CASK: variants seen among roughly 807,000 people sequenced by gnomAD.
CASK encodes peripheral plasma membrane protein CASK.
CASK carries 4 observed loss-of-function variants against 82.9 expected under a neutral mutation model. The observed-to-expected ratio is 0.05, with a 90% CI of 0.02 to 0.11. CASK has a LOEUF of 0.11. Among genes scored for constraint, CASK ranks in the 10% least tolerant of loss-of-function variants. CASK has a pLI of 1.00. For missense variants in CASK, 358 were observed against 720.9 expected, an observed-to-expected ratio of 0.50 and a Z score of 5.76; for synonymous variants, 259 against 253.5, an observed-to-expected ratio of 1.02 and a Z score of -0.20.
At chrX:41,544,859 C>G (rs1044637426) in intron 21 of CASK, among the ~76,000 whole-genome samples, 1 of 111,163 alleles carries the variant, frequency 9.0e-6, no homozygotes, top group African/African-American at 3.3e-5. Flanking sequence ...CAAGACTACA[C>G]CACTGCACTC....
At chrX:41,521,049 C>A (rs2064630654) in intron 26 of CASK, among the ~76,000 whole-genome samples, 1 of 112,402 alleles carries the variant, frequency 8.9e-6, no homozygotes, top group South Asian at 3.7e-4. Flanking sequence ...TTGCCCCCGT[C>A]CCCTTGGTCC....
In CASK at chrX:41,829,811, C is replaced by T. The variant is rs752825646; in HGVS notation, c.172+23304G>A. ...TTATCAAAGTGGTTAAACTAATTTGCATCCCTATTAGCAGTAAGAGTTCTG... is the reference window on the plus strand; with the variant it reads ...TTATCAAAGTGGTTAAACTAATTTGTATCCCTATTAGCAGTAAGAGTTCTG... On this transcript the variant is annotated intron_variant, in intron 2 of 26. Coordinates refer to ENST00000378163, the MANE Select transcript of CASK (RefSeq NM_001367721.1). 1.5e-4 allele frequency among the ~76,000 whole-genome samples: 12 copies of T among 78,931 alleles called. No homozygotes were observed. The South Asian group carries it at 3.1e-3, about 20-fold the overall frequency. 68.5% of individuals were successfully genotyped at this position (78,931 alleles called of 115,157 possible).
intron 2 of CASK, among the ~76,000 whole-genome samples, chrX:41,839,797 G>A (rs2070999123): frequency 8.9e-6 from 1 of 111,756 alleles, no homozygotes; most frequent in Admixed American, 9.5e-5. Flanking sequence ...TTATTCAAGT[G>A]GATGTCCAGT....
chrX:41,766,120 C>T (rs1392739208), intron 3 of CASK, among the ~76,000 whole-genome samples: 1 of 111,504 alleles, frequency 9.0e-6, no homozygotes, highest in Non-Finnish European at 1.9e-5. Flanking sequence ...AACAAACAAA[C>T]TTAAATCTAT....
intron 1 of CASK, among the ~76,000 whole-genome samples, chrX:41,883,341 T>C (rs1043763136): frequency 7.2e-5 from 8 of 111,277 alleles, no homozygotes; most frequent in African/African-American, 2.6e-4. Context: ...CAAACTGAGG[T>C]GATTATAAGC....
intron 15 of CASK, among the ~76,000 whole-genome samples, chrX:41,577,962 T>C (rs1041079772): frequency 5.3e-5 from 6 of 112,284 alleles, no homozygotes; most frequent in Non-Finnish European, 7.5e-5. Context: ...ATAAGATTTA[T>C]AAAAGGATGA....
At chrX:41,845,206 G>A (rs766924501) in intron 2 of CASK, among the ~76,000 whole-genome samples, 4 of 111,938 alleles carry the variant, frequency 3.6e-5, no homozygotes, top group Non-Finnish European at 7.5e-5. Flanking sequence ...TTGGTTTCTA[G>A]TGTTGCCCAA....
chrX:41,833,823 A>T (rs765245107), intron 2 of CASK, among the ~76,000 whole-genome samples: 4 of 111,636 alleles, frequency 3.6e-5, no homozygotes, highest in Non-Finnish European at 5.6e-5. Flanking sequence ...ATCACAGCTC[A>T]CTGCAGCCTC....
intron 8 of CASK, among the ~76,000 whole-genome samples, chrX:41,645,812 TTC>T (rs1345129181): frequency 2.7e-5 from 3 of 111,458 alleles, no homozygotes; most frequent in Non-Finnish European, 5.7e-5. Context: ...TCCTTATACT[TTC>T]TGTCTCACCA....
intron 26 of CASK, among the ~76,000 whole-genome samples, chrX:41,521,783 A>G (rs2147062675): frequency 9.0e-6 from 1 of 111,700 alleles, no homozygotes; most frequent in Non-Finnish European, 1.9e-5. Flanking sequence ...ATAACGAAAT[A>G]CCTCTTTATT....
chrX:41,717,311 G>T (rs182361503), intron 5 of CASK, among the ~76,000 whole-genome samples: 7 of 112,299 alleles, frequency 6.2e-5, no homozygotes, highest in Admixed American at 1.9e-4. Flanking sequence ...TTGCGGGAGT[G>T]CTGATTTGAT....
intron 14 of CASK, among the ~76,000 whole-genome samples, chrX:41,580,089 T>A (rs769928100): frequency 8.9e-6 from 1 of 111,970 alleles, no homozygotes; most frequent in Non-Finnish European, 1.9e-5. Context: ...CTGCACCTTG[T>A]ACTGGTACTC....
chrX:41,679,182 T>G (rs1463748156), intron 5 of CASK, among the ~76,000 whole-genome samples: 2 of 112,066 alleles, frequency 1.8e-5, no homozygotes, highest in African/African-American at 6.5e-5. Context: ...ATTAGAGTTT[T>G]GATGAACTGC....
chrX:41,725,874 C>T (rs1032554380), intron 5 of CASK, among the ~76,000 whole-genome samples: 2 of 111,731 alleles, frequency 1.8e-5, no homozygotes, highest in African/African-American at 6.5e-5. Flanking sequence ...GTTTTTGAGA[C>T]AGGGTCTCTT....
intron 5 of CASK, among the ~76,000 whole-genome samples, chrX:41,677,124 T>TGGCAAAAC (rs2067279737): frequency 2.0e-5 from 2 of 98,497 alleles, no homozygotes; most frequent in African/African-American, 7.6e-5. Flanking sequence ...CTGGGCAACA[T>TGGCAAAAC]GGCAAAACCC....
intron 5 of CASK, among the ~76,000 whole-genome samples, chrX:41,686,083 A>G (rs1000760306): frequency 9.0e-6 from 1 of 111,180 alleles, no homozygotes; most frequent in Non-Finnish European, 1.9e-5. Flanking sequence ...AGTCAGGAAC[A>G]TGCATTTTTT....
intron 1 of CASK, among the ~76,000 whole-genome samples, chrX:41,901,395 T>C (rs1302127665): frequency 3.7e-5 from 4 of 108,130 alleles, no homozygotes; most frequent in African/African-American, 1.4e-4. Context: ...GCTGAGGCAG[T>C]GGTATTGCTT....
At position 41,892,475 on chromosome X, in the gene CASK, G is replaced by A. The variant is rs2072190707; in HGVS notation, c.59+30455C>T. 2.7e-5 allele frequency among the ~76,000 whole-genome samples: 3 copies of A among 110,073 alleles called. No individual in the cohort carries two copies. The South Asian group carries it at 1.2e-3, about 44-fold the overall frequency. On this transcript the variant is annotated intron_variant, in intron 1 of 26. Transcript: ENST00000378163. ...AGCCTCCCGCATAGCTGGGACTACA[G>A]GCACGCGTCACCACACCCAGCTAAA...
intron 5 of CASK, among the ~76,000 whole-genome samples, chrX:41,721,364 A>G: frequency 8.9e-6 from 1 of 111,854 alleles, no homozygotes; most frequent in East Asian, 2.8e-4. Flanking sequence ...TGGGGAACTC[A>G]AAATCACTGA....
Sources: gnomAD v4.1 joint callset for allele counts (sites outside exome capture counted in the v4.1 genomes callset) on GRCh38, gnomAD v4.1.1 for gene constraint, MANE v1.5 for transcripts, NCBI Gene and HGNC (gene_info 2026-07-23, HGNC 2026-07-21) for gene names.